Variants in PPP1R16B observed in about 807,000 individuals in gnomAD.
PPP1R16B encodes the protein protein phosphatase 1 regulatory subunit 16B.
In PPP1R16B, 14 loss-of-function variants were observed where a neutral mutation model predicts 61.7. The ratio of observed to expected loss-of-function variants is 0.23; its 90% confidence interval spans 0.15 to 0.35. The LOEUF is 0.35. Ranked by LOEUF, PPP1R16B falls within the 10% of genes least tolerant of loss-of-function variation. The probability of loss-of-function intolerance (pLI) is 1.00; values close to 1 mark genes in which losing one functional copy is unlikely to be tolerated. For missense variants in PPP1R16B, 547 were observed against 752.5 expected, an observed-to-expected ratio of 0.73 and a Z score of 3.19; for synonymous variants, 266 against 305.3, an observed-to-expected ratio of 0.87 and a Z score of 1.34.
intron 2 of PPP1R16B, 110 bp from the exon 3 acceptor site, chr20:38,889,485 G>A: frequency 1.1e-6 from 1 of 940,032 alleles, no homozygotes; most frequent in Non-Finnish European, 1.7e-6. Context: ...ATGGGGAGTT[G>A]TTACTACATT....
chr20:38,910,716 G>T (rs1174834334), intron 10 of PPP1R16B, among the ~76,000 whole-genome samples: 2 of 151,964 alleles, frequency 1.3e-5, no homozygotes, highest in Non-Finnish European at 2.9e-5. Context: ...AAAAATTTTT[G>T]GCTGGGTGCC....
At chr20:38,843,624 A>C (rs1238951537) in intron 2 of PPP1R16B, among the ~76,000 whole-genome samples, 1 of 152,204 alleles carries the variant, frequency 6.6e-6, no homozygotes, top group Non-Finnish European at 1.5e-5. Flanking sequence ...TCTTCTATTC[A>C]TGAGAAATGA....
intron 6 of PPP1R16B, among the ~76,000 whole-genome samples, chr20:38,905,594 GAAC>G (rs1311173189): frequency 1.3e-5 from 2 of 152,184 alleles, no homozygotes; most frequent in East Asian, 1.9e-4. Context: ...TTCAAGGTGA[GAAC>G]AGTCAGGCTC....
Position 38,894,406 on chromosome 20 carries a change from C to G in PPP1R16B, c.322-1159C>G, listed in dbSNP as rs576729840. ...AGGCCAGGCCACCATCATCTCTTAA[C>G]TGGGTGGCTTCAACACAGCTCCTCA... is the stretch of plus-strand genomic sequence containing the variant. On this transcript the variant is annotated intron_variant, in intron 3 of 10. Coordinates refer to ENST00000299824, the MANE Select transcript of PPP1R16B (RefSeq NM_015568.4). 1.0e-3 allele frequency among the ~76,000 whole-genome samples: 152 copies of G among 152,332 alleles called. 1 individual carries two copies. Among genetic ancestry groups the G allele is most frequent in the Non-Finnish European group, 6.5e-4 (44 of 68,022 alleles).
chr20:38,815,168 T>C (rs1270249283), intron 1 of PPP1R16B, among the ~76,000 whole-genome samples: 2 of 152,216 alleles, frequency 1.3e-5, no homozygotes, highest in Admixed American at 1.3e-4. Flanking sequence ...CTCATCCCTT[T>C]TCCCCGGAAT....
intron 1 of PPP1R16B, among the ~76,000 whole-genome samples, chr20:38,814,348 G>A (rs564789140): frequency 1.3e-5 from 2 of 152,126 alleles, no homozygotes; most frequent in African/African-American, 4.8e-5. Context: ...CCTTCAGAGG[G>A]GGGAAGGCTA....
chr20:38,892,537 C>T (rs1325678269), intron 3 of PPP1R16B, among the ~76,000 whole-genome samples: 1 of 152,156 alleles, frequency 6.6e-6, no homozygotes, highest in African/African-American at 2.4e-5. Flanking sequence ...TGTGTACCCA[C>T]TCCATGCCAG....
intron 5 of PPP1R16B, among the ~76,000 whole-genome samples, chr20:38,902,157 A>G (rs2085399650): frequency 6.6e-6 from 1 of 152,218 alleles, no homozygotes. Context: ...CCCTACCTCA[A>G]TTGACTCAGC....
rs774696730 is a variant in PPP1R16B at position 38,906,010 on chromosome 20, G to A, written c.738G>A (p.Glu246=). 1 of 1,613,744 alleles carries A rather than the reference G, an allele frequency of 6.2e-7. No individual in the cohort carries two copies. Among genetic ancestry groups the A allele is most frequent in the South Asian group, 1.1e-5 (1 of 91,076 alleles). The part of the protein sequence containing the change: ...AGANGYLRAA[E]LLLDHGVRVD... ...CCAATGGATACCTGCGGGCAGCTGA[G>A]CTCCTCCTGGACCATGGAGTGCGTG... is the stretch of plus-strand genomic sequence containing the variant. The change falls in exon 7 of 11, where the codon GAG becomes GAA. Residue 246 remains glutamate (E), a synonymous_variant. Transcript: ENST00000299824.
rs1354483339 is a variant in PPP1R16B at position 38,918,814 on chromosome 20, C to T, written c.*148C>T. On this transcript the variant is annotated 3_prime_UTR_variant, in exon 11 of 11. Transcript: ENST00000299824. This position sits in a 1 kb window ranked among gnomAD's most constrained non-coding sequence, Gnocchi z 5.3. ...AACTCAGACCCCAGCCCTCAGCTGGCTGCCCATAGCATCCCATGTCCCACG... is the reference window on the plus strand; with the variant it reads ...AACTCAGACCCCAGCCCTCAGCTGGTTGCCCATAGCATCCCATGTCCCACG... 3.1e-6 allele frequency: 3 copies of T among 957,528 alleles called. No individual in the cohort carries two copies. The African/African-American group carries it at 5.0e-5, about 16-fold the overall frequency. 59.3% of individuals were successfully genotyped at this position (957,528 alleles called of 1,614,324 possible).
chr20:38,861,163 G>T (rs1183888927), intron 2 of PPP1R16B, among the ~76,000 whole-genome samples: 1 of 152,182 alleles, frequency 6.6e-6, no homozygotes, highest in Non-Finnish European at 1.5e-5. Flanking sequence ...TGACACACCT[G>T]CTGTGTGACC....
intron 2 of PPP1R16B, among the ~76,000 whole-genome samples, chr20:38,871,771 G>C (rs1356615329): frequency 6.6e-6 from 1 of 152,142 alleles, no homozygotes; most frequent in East Asian, 1.9e-4. Flanking sequence ...ATCGTCATGT[G>C]ACTGTGGGTG....
chr20:38,853,784 T>C (rs544369006), intron 2 of PPP1R16B, among the ~76,000 whole-genome samples: 157 of 152,348 alleles, frequency 1.0e-3, no homozygotes, highest in South Asian at 2.9e-3. Context: ...AGGTAGCTGC[T>C]GGGTCAGCCA....
intron 2 of PPP1R16B, among the ~76,000 whole-genome samples, chr20:38,857,467 G>T (rs2085016112): frequency 6.6e-6 from 1 of 152,150 alleles, no homozygotes; most frequent in Non-Finnish European, 1.5e-5. Flanking sequence ...TTAATAAGCT[G>T]CTGGCTCCAA....
chr20:38,906,977 A>T lies in PPP1R16B; in HGVS notation c.823-2A>T. On this transcript the variant is annotated splice_acceptor_variant, in intron 7 of 10. Transcript: ENST00000299824. LOFTEE classifies it high-confidence loss of function. Reference sequence around the variant, plus strand: ...ACACATGAGCTTCTTCCTGTGTTTCAGATGCAGATGGCAGAGCTATTGGTG... The same window carrying T: ...ACACATGAGCTTCTTCCTGTGTTTCTGATGCAGATGGCAGAGCTATTGGTG... The T allele has an allele frequency of 6.2e-7, 1 of 1,613,626 alleles. No individual in the cohort carries two copies. Among genetic ancestry groups the T allele is most frequent in the Non-Finnish European group, 8.5e-7 (1 of 1,179,554 alleles).
At chr20:38,819,942 G>A (rs796357369) in intron 1 of PPP1R16B, among the ~76,000 whole-genome samples, 22 of 152,000 alleles carry the variant, frequency 1.4e-4, no homozygotes, top group African/African-American at 5.1e-4. Flanking sequence ...CTCCAACCCC[G>A]TATGTCCCTT....
chr20:38,826,596 C>G (rs555009006), intron 1 of PPP1R16B, among the ~76,000 whole-genome samples: 9 of 152,212 alleles, frequency 5.9e-5, no homozygotes, highest in Non-Finnish European at 1.3e-4. Flanking sequence ...TTCACCCTGA[C>G]AGGCAGAACC....
intron 2 of PPP1R16B, among the ~76,000 whole-genome samples, chr20:38,844,831 C>A (rs1268216647): frequency 1.3e-5 from 2 of 152,158 alleles, no homozygotes; most frequent in Non-Finnish European, 2.9e-5. Context: ...CAAGTAATTT[C>A]TTAGTGTTAC....
At chr20:38,838,785 C>T (rs1367779328) in intron 2 of PPP1R16B, among the ~76,000 whole-genome samples, 1 of 152,214 alleles carries the variant, frequency 6.6e-6, no homozygotes, top group Non-Finnish European at 1.5e-5. Context: ...CTCCCAGCCC[C>T]CTGCCCAGCC....
Sources: allele counts gnomAD v4.1 joint callset (sites outside exome capture counted in the v4.1 genomes callset), GRCh38; gene constraint gnomAD v4.1.1; non-coding constraint Gnocchi (gnomAD v3.1); transcripts MANE v1.5; gene names NCBI Gene and HGNC (gene_info 2026-07-23, HGNC 2026-07-21).